DEK: variants seen among roughly 807,000 people sequenced by gnomAD.
The protein encoded by DEK is DEK proto-oncogene.
A neutral mutation model predicts 46.8 loss-of-function variants in DEK; 28 were observed. That is an observed-to-expected ratio of 0.60 (90% CI 0.44 to 0.82). DEK has a LOEUF of 0.82. Among genes scored for constraint, DEK ranks in the 40% least tolerant of loss-of-function variants. The probability of loss-of-function intolerance (pLI) is 0.00; values close to 1 mark genes in which losing one functional copy is unlikely to be tolerated. For synonymous variants in DEK, 160 were observed against 144.5 expected (o/e 1.11, Z -0.77); for missense variants, 416 against 430.6 (o/e 0.97, Z 0.30).
chr6:18,252,337 T>C (rs988712921), intron 6 of DEK, among the ~76,000 whole-genome samples: 6 of 151,708 alleles, frequency 4.0e-5, no homozygotes, highest in South Asian at 2.1e-4. Context: ...TAGTGAGCCC[T>C]TGTCTCTAAG....
In DEK at chr6:18,263,976, C is replaced by G; in HGVS notation, c.12G>C (p.Ser4=). 2 of 1,610,696 alleles carry G rather than the reference C, an allele frequency of 1.2e-6. No homozygotes were observed. Among genetic ancestry groups the G allele is most frequent in the Non-Finnish European group, 8.5e-7 (1 of 1,178,788 alleles). MSA[S]APAAEGEGTP... The stretch of plus-strand genomic sequence containing the variant: ...TTCCCTCCCCCTCCGCAGCAGGGGC[C>G]GAGGCGGACATGCTGTGAACCTGCA... The change falls in exon 2 of 11, where the codon TCG becomes TCC. Residue 4 remains serine (S), a synonymous_variant. Coordinates refer to ENST00000652689, the MANE Select transcript of DEK (RefSeq NM_003472.4).
At chr6:18,242,317 G>A (rs753536951) in intron 7 of DEK, among the ~76,000 whole-genome samples, 3 of 152,178 alleles carry the variant, frequency 2.0e-5, no homozygotes, top group Admixed American at 6.5e-5. Flanking sequence ...AGTATCGATC[G>A]TGCCACTGTA....
intron 6 of DEK, among the ~76,000 whole-genome samples, chr6:18,254,085 C>G (rs1419848113): frequency 6.6e-6 from 1 of 152,158 alleles, no homozygotes; most frequent in East Asian, 1.9e-4. Flanking sequence ...AATCCCAGCA[C>G]TCTGGGAGGC....
At chr6:18,252,509 C>CA (rs61626818) in intron 6 of DEK, among the ~76,000 whole-genome samples, 5,927 of 29,046 alleles carry the variant, frequency 0.2, 1,619 homozygotes, top group African/African-American at 0.29. Context: ...ACGCTGTCTC[C>CA]AAAAAAAAAA....
chr6:18,261,067 T>C (rs1791840792), intron 2 of DEK, among the ~76,000 whole-genome samples: 2 of 151,278 alleles, frequency 1.3e-5, no homozygotes. Flanking sequence ...GACCCCTAGA[T>C]TCACCACCAA....
intron 6 of DEK, 79 bp downstream of exon 6, chr6:18,255,652 C>T: frequency 6.7e-7 from 1 of 1,486,078 alleles, no homozygotes. Flanking sequence ...GACAGCAATG[C>T]TGTTATTAAT....
chr6:18,258,136 T>G lies in DEK; in HGVS notation c.248-74A>C, dbSNP rs76317053. On this transcript the variant is annotated intron_variant, in intron 3 of 10. Transcript: ENST00000652689. The stretch of plus-strand genomic sequence containing the variant: ...ATTTACAAAGTTAATTTAATGAGAA[T>G]TATTTTCACAGCATAATTTACATGT... 8,245 of 1,186,460 alleles carry G rather than the reference T, an allele frequency of 6.9e-3. 418 individuals are homozygous for G. The African/African-American group carries it at 0.11, about 15-fold the overall frequency. 73.5% of individuals were successfully genotyped at this position (1,186,460 alleles called of 1,614,324 possible).
intron 9 of DEK, among the ~76,000 whole-genome samples, chr6:18,229,834 T>G (rs1439374881): frequency 6.6e-6 from 1 of 152,060 alleles, no homozygotes; most frequent in Non-Finnish European, 1.5e-5. Context: ...ACTTCCCCAA[T>G]CTAGCAAGGC....
At chr6:18,262,568 CTG>C (rs1791926132) in intron 2 of DEK, among the ~76,000 whole-genome samples, 1 of 152,170 alleles carries the variant, frequency 6.6e-6, no homozygotes, top group South Asian at 2.1e-4. Flanking sequence ...CCAAGCATTA[CTG>C]TGTTGGCCAC....
rs187217133 is a variant in DEK, at chr6:18,247,273, A to G, written c.762+2378T>C. Reference sequence around the variant, plus strand: ...CTTGTTGGAGAGACATTTATCAGGGAAAAAAAAGGGGGGGAAACAATTTCT... The same window carrying G: ...CTTGTTGGAGAGACATTTATCAGGGGAAAAAAAGGGGGGGAAACAATTTCT... On this transcript the variant is annotated intron_variant, in intron 7 of 10. Transcript: ENST00000652689. Among the ~76,000 whole-genome samples the G allele has an allele frequency of 4.7e-3, 709 of 151,794 alleles. 9 individuals are homozygous for G. Among genetic ancestry groups the G allele is most frequent in the African/African-American group, 0.014 (573 of 41,212 alleles).
intron 9 of DEK, among the ~76,000 whole-genome samples, chr6:18,229,985 C>A (rs1477026109): frequency 6.6e-6 from 1 of 152,162 alleles, no homozygotes; most frequent in Non-Finnish European, 1.5e-5. Flanking sequence ...AGAGAAAGGT[C>A]GGGTTACCCA....
intron 7 of DEK, among the ~76,000 whole-genome samples, chr6:18,249,256 C>T (rs539019929): frequency 3.3e-5 from 5 of 152,294 alleles, no homozygotes; most frequent in South Asian, 2.1e-4. Flanking sequence ...AAGTCCCTTG[C>T]TTTTTCCGTA....
At chr6:18,237,173 C>CTG in intron 8 of DEK, 2 of 429,938 alleles carry the variant, frequency 4.7e-6, no homozygotes, top group African/African-American at 2.2e-5. Flanking sequence ...ATCTCTCTCT[C>CTG]TGTCTCTCTC....
intron 4 of DEK, 32 bp downstream of exon 4, chr6:18,257,921 A>C (rs369075620): frequency 2.0e-6 from 3 of 1,465,920 alleles, no homozygotes; most frequent in South Asian, 1.2e-5. Flanking sequence ...GAAGTAATAT[A>C]CAAGTAGGTT....
intron 4 of DEK, among the ~76,000 whole-genome samples, chr6:18,257,155 A>C (rs1406378122): frequency 2.6e-5 from 4 of 152,232 alleles, no homozygotes; most frequent in African/African-American, 9.6e-5. Context: ...TATTTGCTAA[A>C]AATGAGATAC....
chr6:18,240,805 C>CT (rs1457707231), intron 7 of DEK, among the ~76,000 whole-genome samples: 5 of 151,818 alleles, frequency 3.3e-5, no homozygotes, highest in Admixed American at 6.6e-5. Context: ...AACTAATTTT[C>CT]TTTTTTTTAA....
intron 6 of DEK, among the ~76,000 whole-genome samples, chr6:18,250,797 T>C (rs1791346029): frequency 6.6e-6 from 1 of 151,430 alleles, no homozygotes; most frequent in Admixed American, 6.6e-5. Flanking sequence ...GCCTGGCCCA[T>C]AAAAAAAATG....
chr6:18,258,135 A>G (rs528008913), intron 3 of DEK, 73 bp from the exon 4 acceptor site: 3 of 1,204,182 alleles, frequency 2.5e-6, no homozygotes, highest in South Asian at 1.4e-5. Context: ...TTTAATGAGA[A>G]TTATTTTCAC....
chr6:18,234,839 A>C (rs903275956), intron 9 of DEK, among the ~76,000 whole-genome samples: 1 of 152,094 alleles, frequency 6.6e-6, no homozygotes, highest in African/African-American at 2.4e-5. Context: ...CCTTCCAAAG[A>C]CAGCTGCTTG....
Sources: gnomAD v4.1 joint callset for allele counts (sites outside exome capture counted in the v4.1 genomes callset) on GRCh38, gnomAD v4.1.1 for gene constraint, MANE v1.5 for transcripts, NCBI Gene and HGNC (gene_info 2026-07-23, HGNC 2026-07-21) for gene names.